PRKG2: variants seen among roughly 807,000 people sequenced by gnomAD.
The protein encoded by PRKG2 is cGMP-dependent protein kinase 2.
PRKG2 carries 33 observed loss-of-function variants against 97.2 expected under a neutral mutation model. That is an observed-to-expected ratio of 0.34 (90% CI 0.26 to 0.45). The LOEUF is 0.45. Ranked by LOEUF, PRKG2 falls within the 20% of genes least tolerant of loss-of-function variation. PRKG2 has a pLI of 1.00. For missense variants in PRKG2, 638 were observed against 900.0 expected, an observed-to-expected ratio of 0.71 and a Z score of 3.73; for synonymous variants, 330 against 321.8, an observed-to-expected ratio of 1.03 and a Z score of -0.27.
At chr4:81,100,815 C>T (rs1465344447) in intron 17 of PRKG2, among the ~76,000 whole-genome samples, 1 of 152,180 alleles carries the variant, frequency 6.6e-6, no homozygotes, top group African/African-American at 2.4e-5. Context: ...GCAATCTACT[C>T]ATCTGACAAA....
In PRKG2 at chr4:81,203,084, T is replaced by TATAC. The variant is rs1560626641; in HGVS notation, c.461+1502_461+1503insGTAT. Among the ~76,000 whole-genome samples the TATAC allele has an allele frequency of 4.0e-5, 6 of 151,694 alleles. No individual in the cohort carries two copies. In the South Asian group the frequency reaches 6.2e-4, roughly 16 times the overall value. ...TCTGTAATATTATTATATATGTATA[T>TATAC]ATATACATATACTATGTAGAGTTCA... On this transcript the variant is annotated intron_variant, in intron 2 of 18. Coordinates refer to ENST00000264399, the MANE Select transcript of PRKG2 (RefSeq NM_006259.3).
chr4:81,184,876 G>A (rs544633163), intron 2 of PRKG2, among the ~76,000 whole-genome samples: 120 of 152,150 alleles, frequency 7.9e-4, no homozygotes, highest in African/African-American at 2.7e-3. Flanking sequence ...TCAATCAAGC[G>A]AAAGAAAGGA....
intron 14 of PRKG2, 47 bp downstream of exon 14, chr4:81,135,108 A>T: frequency 1.3e-6 from 2 of 1,508,798 alleles, no homozygotes; most frequent in Non-Finnish European, 1.8e-6. Flanking sequence ...AACTTTTGCC[A>T]GGGGAAATAT....
At chr4:81,118,412 C>T (rs1398919373) in intron 14 of PRKG2, among the ~76,000 whole-genome samples, 1 of 152,190 alleles carries the variant, frequency 6.6e-6, no homozygotes, top group African/African-American at 2.4e-5. Flanking sequence ...AAGAAACTTC[C>T]AAACTGCCTG....
At position 81,181,640 on chromosome 4, in the gene PRKG2, T is replaced by C. The variant is rs182535949; in HGVS notation, c.462-6681A>G. The stretch of plus-strand genomic sequence containing the variant: ...AATTCACAACAAGACAGGACTTGAG[T>C]AAGAGAGGGAGGAGGTATAATTACT... On this transcript the variant is annotated intron_variant, in intron 2 of 18. Transcript: ENST00000264399. 4.2e-3 allele frequency among the ~76,000 whole-genome samples: 620 copies of C among 146,158 alleles called. 3 individuals carry two copies. The highest frequency in any genetic ancestry group is 5.0e-3 in the Non-Finnish European group (340 of 67,390).
intron 6 of PRKG2, among the ~76,000 whole-genome samples, chr4:81,157,114 C>A (rs1483222321): frequency 2.0e-5 from 3 of 152,092 alleles, no homozygotes; most frequent in Non-Finnish European, 4.4e-5. Flanking sequence ...ATACAAAAAA[C>A]CCTTCCAAAA....
Position 81,153,682 on chromosome 4 carries a change from C to T in PRKG2, c.952G>A (p.Glu318Lys), listed in dbSNP as rs768165134. The change falls in exon 7 of 19, where the codon GAG (glutamate) becomes AAG (lysine). Residue 318 changes from glutamate to lysine, a missense_variant. Around this residue, in one of 3 missense-constraint regions of PRKG2, gnomAD observed 332 missense variants for 421.7 expected, o/e 0.79. Transcript: ENST00000264399. ...DKGDYIIREG[E>K]EGSTFFILAK... ...AAAATGAAAAAGGTACTTCCTTCCT[C>T]GCCCTCTCTAATGATGTAATCTCCT... 2.5e-6 allele frequency: 4 copies of T among 1,605,060 alleles called. No homozygotes were observed. The highest frequency in any genetic ancestry group is 2.2e-5 in the East Asian group (1 of 44,826).
At chr4:81,156,207 T>C (rs1749078687) in intron 6 of PRKG2, among the ~76,000 whole-genome samples, 1 of 151,984 alleles carries the variant, frequency 6.6e-6, no homozygotes, top group African/African-American at 2.4e-5. Flanking sequence ...GAGACACACA[T>C]AGGCTCAAAA....
At chr4:81,105,124 GA>G (rs1197941896) in intron 16 of PRKG2, among the ~76,000 whole-genome samples, 1 of 152,134 alleles carries the variant, frequency 6.6e-6, no homozygotes, top group East Asian at 1.9e-4. Context: ...TGGCACATGA[GA>G]AAATTCGTTA....
Position 81,203,082 on chromosome 4 carries a change from T to TAC in PRKG2, c.461+1504_461+1505insGT, listed in dbSNP as rs1223190918. 4.0e-5 allele frequency among the ~76,000 whole-genome samples: 6 copies of TAC among 151,752 alleles called. No homozygotes were observed. The South Asian group carries it at 6.2e-4, about 16-fold the overall frequency. Reference sequence around the variant, plus strand: ...ATTCTGTAATATTATTATATATGTATATATATACATATACTATGTAGAGTT... The same window carrying TAC: ...ATTCTGTAATATTATTATATATGTATACATATATACATATACTATGTAGAGTT... On this transcript the variant is annotated intron_variant, in intron 2 of 18. Transcript: ENST00000264399.
chr4:81,096,996 G>T (rs555841706), intron 17 of PRKG2, among the ~76,000 whole-genome samples: 5 of 152,134 alleles, frequency 3.3e-5, no homozygotes, highest in Admixed American at 3.3e-4. Context: ...AACTCACTTT[G>T]CCCAGAGCCA....
chr4:81,092,203 G>A (rs1741605568), intron 18 of PRKG2, among the ~76,000 whole-genome samples, 183 bp downstream of exon 18: 1 of 151,500 alleles, frequency 6.6e-6, no homozygotes, highest in African/African-American at 2.4e-5. Flanking sequence ...CATCAGCTAG[G>A]CAGTACTATT....
rs1741213826 is a variant in PRKG2, at chr4:81,087,459, T to C, written c.*2249A>G. On this transcript the variant is annotated 3_prime_UTR_variant, in exon 19 of 19. Transcript: ENST00000264399. ...TGATAAGTACAATTCTGCATACAGA[T>C]ACCAATGATACATAAGATTCAGGAC... 1 of 152,072 alleles carries C rather than the reference T, an allele frequency of 6.6e-6. No homozygotes were observed. The highest frequency in any genetic ancestry group is 2.1e-4 in the South Asian group (1 of 4,822). The allele number at this position is 152,072 out of a possible 1,614,324, so 9.4% of individuals were successfully genotyped here.
At chr4:81,191,533 T>C (rs1017284782) in intron 2 of PRKG2, among the ~76,000 whole-genome samples, 4 of 152,086 alleles carry the variant, frequency 2.6e-5, no homozygotes, top group Non-Finnish European at 4.4e-5. Flanking sequence ...TGTATACCTA[T>C]GTAACAAACC....
intron 13 of PRKG2, among the ~76,000 whole-genome samples, chr4:81,136,899 CTGACCCCCACCG>C (rs1746759437): frequency 1.3e-5 from 2 of 152,304 alleles, no homozygotes; most frequent in South Asian, 4.1e-4. Context: ...GCGTCTCCTC[CTGACCCCCACCG>C]TGCACTATGA....
intron 14 of PRKG2, among the ~76,000 whole-genome samples, chr4:81,129,638 A>G (rs1745961856): frequency 6.6e-6 from 1 of 152,026 alleles, no homozygotes; most frequent in Non-Finnish European, 1.5e-5. Context: ...TTGTTTTATC[A>G]GAGACTAGGA....
At chr4:81,128,808 T>A (rs147458258) in intron 14 of PRKG2, among the ~76,000 whole-genome samples, 2,057 of 152,114 alleles carry the variant, frequency 0.014, 52 homozygotes, top group African/African-American at 0.047. Flanking sequence ...GAAGGGTTTT[T>A]CATGTCTCTA....
intron 14 of PRKG2, among the ~76,000 whole-genome samples, chr4:81,133,913 A>G (rs1746413907): frequency 6.6e-6 from 1 of 152,128 alleles, no homozygotes; most frequent in African/African-American, 2.4e-5. Flanking sequence ...GAGCTACTGA[A>G]TTGTCTGCAT....
At chr4:81,195,487 C>T (rs2110118442) in intron 2 of PRKG2, among the ~76,000 whole-genome samples, 1 of 152,264 alleles carries the variant, frequency 6.6e-6, no homozygotes, top group South Asian at 2.1e-4. Flanking sequence ...ACCATCACCA[C>T]CATCTATCTC....
Sources: allele counts gnomAD v4.1 joint callset (sites outside exome capture counted in the v4.1 genomes callset), GRCh38; gene constraint gnomAD v4.1.1; regional missense constraint gnomAD v4.1.1; transcripts MANE v1.5; gene names NCBI Gene and HGNC (gene_info 2026-07-23, HGNC 2026-07-21).